STXBP5L: variants seen among roughly 807,000 people sequenced by gnomAD.
STXBP5L encodes syntaxin-binding protein 5-like.
STXBP5L carries 65 observed loss-of-function variants against 144.5 expected under a neutral mutation model. That is an observed-to-expected ratio of 0.45 (90% CI 0.37 to 0.55). The LOEUF is 0.55. Ranked by LOEUF, STXBP5L falls within the 20% of genes least tolerant of loss-of-function variation. The probability of loss-of-function intolerance (pLI) is 0.00; values close to 1 mark genes in which losing one functional copy is unlikely to be tolerated. For synonymous variants in STXBP5L, 505 were observed against 469.6 expected (o/e 1.08, Z -0.97); for missense variants, 1,298 against 1,405.5 (o/e 0.92, Z 1.22).
intron 3 of STXBP5L, among the ~76,000 whole-genome samples, chr3:120,979,465 C>T (rs549306744): frequency 2.0e-5 from 3 of 152,292 alleles, no homozygotes; most frequent in Non-Finnish European, 4.4e-5. Flanking sequence ...CTTTCTTTGA[C>T]TAGGAAAGGG....
intron 19 of STXBP5L, among the ~76,000 whole-genome samples, chr3:121,312,446 C>CTTTTTTTTTTTTTTTT (rs58989280): frequency 1.6e-4 from 2 of 12,752 alleles, no homozygotes; most frequent in Admixed American, 2.0e-3. Context: ...GTATGTCAAT[C>CTTTTTTTTTTTTTTTT]TTTTTTTTTT....
chr3:121,090,196 G>C (rs1205061616), intron 5 of STXBP5L, among the ~76,000 whole-genome samples: 1 of 151,900 alleles, frequency 6.6e-6, no homozygotes, highest in Admixed American at 6.6e-5. Flanking sequence ...CCTTTTTTAG[G>C]TGGTTGTATT....
At chr3:120,988,656 C>G (rs1055045270) in intron 3 of STXBP5L, among the ~76,000 whole-genome samples, 1 of 151,994 alleles carries the variant, frequency 6.6e-6, no homozygotes, top group Non-Finnish European at 1.5e-5. Flanking sequence ...TATATCCTTG[C>G]TAATTTTCTT....
intron 19 of STXBP5L, among the ~76,000 whole-genome samples, chr3:121,300,588 T>C (rs168117): frequency 0.48 from 72,216 of 151,824 alleles, 17,740 homozygotes; most frequent in East Asian, 0.73. Flanking sequence ...ATCTAACAAA[T>C]AGATGCACAT....
intron 5 of STXBP5L, among the ~76,000 whole-genome samples, chr3:121,092,403 G>T (rs1427086516): frequency 9.9e-5 from 15 of 152,130 alleles, no homozygotes; most frequent in African/African-American, 2.9e-4. Context: ...CTACCCATGA[G>T]CATGGAATGT....
At chr3:121,077,873 G>A (rs545916026) in intron 5 of STXBP5L, among the ~76,000 whole-genome samples, 4 of 152,028 alleles carry the variant, frequency 2.6e-5, no homozygotes, top group African/African-American at 9.7e-5. Flanking sequence ...GTGCTGATTG[G>A]TGTGTTTACA....
intron 20 of STXBP5L, among the ~76,000 whole-genome samples, chr3:121,320,892 G>T (rs1420795968): frequency 1.3e-5 from 2 of 151,896 alleles, no homozygotes; most frequent in Non-Finnish European, 2.9e-5. Flanking sequence ...GTAGAGACGG[G>T]GTTTCACTGT....
chr3:121,353,491 C>T (rs187002329), intron 20 of STXBP5L, among the ~76,000 whole-genome samples: 18 of 152,020 alleles, frequency 1.2e-4, no homozygotes, highest in Admixed American at 2.0e-4. Context: ...TAGTATTCTC[C>T]AAAGGTAGTT....
At chr3:121,151,950 AAAAT>A (rs1276717613) in intron 7 of STXBP5L, among the ~76,000 whole-genome samples, 15 of 142,726 alleles carry the variant, frequency 1.1e-4, no homozygotes, top group Admixed American at 2.1e-4. Context: ...TATTGATTTA[AAAAT>A]AAATATTAAT....
At chr3:120,979,961 C>T (rs1339413996) in intron 3 of STXBP5L, among the ~76,000 whole-genome samples, 1 of 152,098 alleles carries the variant, frequency 6.6e-6, no homozygotes, top group Admixed American at 6.6e-5. Context: ...AAATTCCTAG[C>T]CTAATTTCAT....
At chr3:121,055,212 AT>A (rs1560067309) in intron 5 of STXBP5L, among the ~76,000 whole-genome samples, 1 of 152,204 alleles carries the variant, frequency 6.6e-6, no homozygotes, top group African/African-American at 2.4e-5. Context: ...ATCATAACTT[AT>A]TGGAGGAGAT....
At chr3:121,288,390 GT>G (rs1184739312) in intron 19 of STXBP5L, among the ~76,000 whole-genome samples, 1 of 152,172 alleles carries the variant, frequency 6.6e-6, no homozygotes, top group Non-Finnish European at 1.5e-5. Context: ...TGATAATTCT[GT>G]TTTAAGTTCT....
chr3:121,211,369 G>C (rs977727044), intron 10 of STXBP5L, among the ~76,000 whole-genome samples: 1 of 152,082 alleles, frequency 6.6e-6, no homozygotes, highest in African/African-American at 2.4e-5. Context: ...CATGTCATCT[G>C]TAAACAGGGA....
At chr3:121,083,017 G>A (rs1184123364) in intron 5 of STXBP5L, among the ~76,000 whole-genome samples, 5 of 152,038 alleles carry the variant, frequency 3.3e-5, no homozygotes, top group Admixed American at 6.6e-5. Flanking sequence ...CCAACATGGT[G>A]AAACCCCGTG....
intron 17 of STXBP5L, 109 bp from the exon 18 acceptor site, chr3:121,258,928 GCCTGCA>G (rs2050295446): frequency 9.9e-6 from 10 of 1,007,836 alleles, no homozygotes; most frequent in East Asian, 3.1e-5. Flanking sequence ...TCTGCATGCT[GCCTGCA>G]ATGCCTGGTG....
At chr3:121,086,649 G>A (rs1247878952) in intron 5 of STXBP5L, among the ~76,000 whole-genome samples, 1 of 152,058 alleles carries the variant, frequency 6.6e-6, no homozygotes, top group Non-Finnish European at 1.5e-5. Context: ...TTGGAATGTT[G>A]AGATTATTCC....
intron 9 of STXBP5L, among the ~76,000 whole-genome samples, chr3:121,183,374 G>A (rs1200829321): frequency 2.0e-5 from 3 of 152,128 alleles, no homozygotes; most frequent in African/African-American, 4.8e-5. Context: ...CCAATGATAT[G>A]ATTGTATACC....
chr3:121,243,423 T>G (rs1359662774), intron 14 of STXBP5L, among the ~76,000 whole-genome samples: 1 of 152,152 alleles, frequency 6.6e-6, no homozygotes, highest in Non-Finnish European at 1.5e-5. Flanking sequence ...CCTGGGCTGA[T>G]TTATGAAAAA....
rs543355707 is a variant in STXBP5L at position 120,984,798 on chromosome 3, G to T, written c.287+29761G>T. ...GTATGATGTATGATGTATGCTGTGG[G>T]TTATTCACATATAGCCTTTATCGTG... On this transcript the variant is annotated intron_variant, in intron 3 of 26. Transcript: ENST00000471454. 3.3e-5 allele frequency among the ~76,000 whole-genome samples: 5 copies of T among 151,890 alleles called. No homozygotes were observed. The South Asian group carries it at 1.0e-3, about 32-fold the overall frequency.
Sources: gnomAD v4.1 joint callset for allele counts (sites outside exome capture counted in the v4.1 genomes callset) on GRCh38, gnomAD v4.1.1 for gene constraint, MANE v1.5 for transcripts, NCBI Gene and HGNC (gene_info 2026-07-23, HGNC 2026-07-21) for gene names.